MYO1H: variants seen among roughly 807,000 people sequenced by gnomAD.
The protein encoded by MYO1H is myosin IH, also known as unconventional myosin-Ih.
A neutral mutation model predicts 149.3 loss-of-function variants in MYO1H; 118 were observed. That is an observed-to-expected ratio of 0.79 (90% confidence interval 0.68 to 0.92). The LOEUF is 0.92. Ranked by LOEUF, MYO1H falls within the 40% of genes least tolerant of loss-of-function variation. MYO1H has a pLI of 0.00. For synonymous variants in MYO1H, 447 were observed against 465.2 expected (o/e 0.96, Z 0.50); for missense variants, 1,212 against 1,280.7 (o/e 0.95, Z 0.82).
chr12:109,353,946 C>T lies in MYO1H; in HGVS notation c.12+5974C>T, dbSNP rs535897166. On this transcript the variant is annotated intron_variant, in intron 1 of 31. Transcript: ENST00000310903. ...GCTGGGATTCAGGCGTTAGCCACCA[C>T]GCCTGGCCAGCAGTGGTAATTTCTG... 7 of 152,290 alleles carry T rather than the reference C, an allele frequency of 4.6e-5. No homozygotes were observed. The South Asian group carries it at 8.3e-4, about 18-fold the overall frequency. The allele number at this position is 152,290 out of a possible 1,614,324, so 9.4% of individuals were successfully genotyped here. A position where few individuals can be genotyped will look rare whatever the true frequency, so the allele number is the denominator to read the frequency against.
At chr12:109,381,640 AC>A (rs200999632) in intron 1 of MYO1H, among the ~76,000 whole-genome samples, 3,834 of 152,078 alleles carry the variant, frequency 0.025, 62 homozygotes, top group Middle Eastern at 0.054. Flanking sequence ...CCCCGTCTCT[AC>A]TAAAAATACA....
At chr12:109,404,269 G>A (rs1003884672) in intron 7 of MYO1H, among the ~76,000 whole-genome samples, 189 bp downstream of exon 7, 3 of 152,148 alleles carry the variant, frequency 2.0e-5, no homozygotes, top group African/African-American at 4.8e-5. Context: ...CTTGAGGTCA[G>A]GAGTTTAAGA....
intron 1 of MYO1H, among the ~76,000 whole-genome samples, chr12:109,360,542 T>C (rs1173173638): frequency 6.6e-6 from 1 of 152,318 alleles, no homozygotes; most frequent in East Asian, 1.9e-4. Flanking sequence ...GCTAAATGTT[T>C]TGTGAAACAC....
chr12:109,422,041 G>A (rs994095373), intron 16 of MYO1H, among the ~76,000 whole-genome samples: 3 of 151,960 alleles, frequency 2.0e-5, no homozygotes, highest in African/African-American at 7.3e-5. Context: ...GGCTGGTCTC[G>A]AACTCCTGGC....
chr12:109,430,345 A>C, intron 19 of MYO1H, among the ~76,000 whole-genome samples: 1 of 152,176 alleles, frequency 6.6e-6, no homozygotes, highest in Middle Eastern at 3.2e-3. Flanking sequence ...AGAGTTGAAG[A>C]CATAAGGTAC....
intron 6 of MYO1H, among the ~76,000 whole-genome samples, chr12:109,402,683 A>C (rs997018182): frequency 1.3e-5 from 2 of 152,250 alleles, no homozygotes; most frequent in Non-Finnish European, 2.9e-5. Context: ...TTTTATACTA[A>C]GCAAACTCAA....
intron 1 of MYO1H, among the ~76,000 whole-genome samples, chr12:109,355,685 T>G (rs77490191): frequency 0.048 from 7,304 of 152,040 alleles, 260 homozygotes; most frequent in Middle Eastern, 0.11. Flanking sequence ...GTTTTTGTTT[T>G]GTTTTGTTTG....
intron 1 of MYO1H, among the ~76,000 whole-genome samples, chr12:109,366,623 G>A (rs1324021383): frequency 6.6e-6 from 1 of 152,166 alleles, no homozygotes; most frequent in Non-Finnish European, 1.5e-5. Context: ...ACTAATCAGT[G>A]ACTCTCCCTC....
chr12:109,359,330 G>A (rs951612119), intron 1 of MYO1H: 1 of 152,264 alleles, frequency 6.6e-6, no homozygotes, highest in African/African-American at 2.4e-5. Context: ...CGGGAGGGAG[G>A]TGGCAGGTGG....
At chr12:109,404,114 C>A in intron 7 of MYO1H, 34 bp downstream of exon 7, 1 of 1,481,084 alleles carries the variant, frequency 6.8e-7, no homozygotes. Context: ...GATAGTTCCC[C>A]CTGGGACTGA....
At chr12:109,431,406 T>C (rs1871610340) in intron 19 of MYO1H, among the ~76,000 whole-genome samples, 1 of 151,118 alleles carries the variant, frequency 6.6e-6, no homozygotes, top group African/African-American at 2.5e-5. Context: ...ATAACATAAA[T>C]ATAATAAGAA....
At chr12:109,324,014 A>G in the MYO1H span, among the ~76,000 whole-genome samples, 5 of 27,228 alleles carry the variant, frequency 1.8e-4, no homozygotes, top group South Asian at 1.5e-3. Flanking sequence ...CTGACTCAAG[A>G]AAAAAAAAAA....
At chr12:109,324,345 G>A in the MYO1H span, among the ~76,000 whole-genome samples, 6 of 152,220 alleles carry the variant, frequency 3.9e-5, no homozygotes, top group Non-Finnish European at 7.3e-5. Context: ...TTGGTTACAA[G>A]TAAGTCACAA....
At chr12:109,343,844 T>TG (rs1245154894), upstream of MYO1H, among the ~76,000 whole-genome samples, 2 of 152,238 alleles carry the variant, frequency 1.3e-5, no homozygotes, top group Admixed American at 1.3e-4. Context: ...GCTGACTCGC[T>TG]GGGGACTTCT....
chr12:109,404,734 C>G (rs1566029720), intron 7 of MYO1H, among the ~76,000 whole-genome samples: 1 of 152,016 alleles, frequency 6.6e-6, no homozygotes, highest in Non-Finnish European at 1.5e-5. Context: ...AGTCCAGTCT[C>G]AACAATTTAG....
the MYO1H span, among the ~76,000 whole-genome samples, chr12:109,331,549 G>T: frequency 6.6e-6 from 1 of 152,312 alleles, no homozygotes; most frequent in South Asian, 2.1e-4. Flanking sequence ...GGCCCTCCTC[G>T]GAGCCAAGAG....
At chr12:109,325,295 C>T in the MYO1H span, among the ~76,000 whole-genome samples, 35 of 152,300 alleles carry the variant, frequency 2.3e-4, no homozygotes, top group East Asian at 3.7e-3. Flanking sequence ...GGAATTGCCA[C>T]ACTGGCTTCT....
exon 26 of MYO1H, chr12:109,441,651 G>A: frequency 6.2e-7 from 1 of 1,613,250 alleles, no homozygotes; most frequent in Non-Finnish European, 8.5e-7. Context: ...AATCTTCAGG[G>A]GAAGGAAAGA....
chr12:109,401,012 A>T, intron 5 of MYO1H, 81 bp from the exon 6 acceptor site: 2 of 1,232,862 alleles, frequency 1.6e-6, no homozygotes, highest in Non-Finnish European at 2.3e-6. Flanking sequence ...ATTCAAACTT[A>T]GAACTTCGGG....
Sources: allele counts gnomAD v4.1 joint callset (sites outside exome capture counted in the v4.1 genomes callset), GRCh38; gene constraint gnomAD v4.1.1; transcripts MANE v1.5; gene names NCBI Gene and HGNC (gene_info 2026-07-23, HGNC 2026-07-21).